Variants in TGFBR3 observed in about 807,000 individuals in gnomAD.
TGFBR3 encodes transforming growth factor beta receptor 3, also known as transforming growth factor beta receptor type 3.
Under a neutral mutation model 87.9 loss-of-function variants are expected in TGFBR3, and 46 were observed. That is an observed-to-expected ratio of 0.52 (90% CI 0.41 to 0.67). TGFBR3 has a LOEUF of 0.67. Ranked by LOEUF, TGFBR3 falls within the 30% of genes least tolerant of loss-of-function variation. The probability of loss-of-function intolerance (pLI) is 0.00; values close to 1 mark genes in which losing one functional copy is unlikely to be tolerated. For missense variants in TGFBR3, 866 were observed against 1,041.9 expected (o/e 0.83, Z 2.32); for synonymous variants, 381 against 391.6 (o/e 0.97, Z 0.32).
At chr1:91,717,414 A>G (rs1672212088) in intron 10 of TGFBR3, among the ~76,000 whole-genome samples, 3 of 151,936 alleles carry the variant, frequency 2.0e-5, no homozygotes, top group Admixed American at 1.3e-4. Flanking sequence ...TTTTTTTTCC[A>G]CCTTTTTCGC....
chr1:91,824,388 T>A (rs920776877), intron 2 of TGFBR3, among the ~76,000 whole-genome samples: 29 of 152,102 alleles, frequency 1.9e-4, no homozygotes, highest in Non-Finnish European at 3.2e-4. Context: ...CTACAAACAG[T>A]TTGGTATTTA....
chr1:91,846,410 C>G (rs1677502107), intron 2 of TGFBR3, among the ~76,000 whole-genome samples: 1 of 152,192 alleles, frequency 6.6e-6, no homozygotes, highest in Non-Finnish European at 1.5e-5. Context: ...TCACAAGGGC[C>G]AGGCTGAGAC....
At position 91,683,536 on chromosome 1, in the gene TGFBR3, G is replaced by T; in HGVS notation, c.*203C>A. ...ACATGAATTCTAGTGTGGTACAGAA[G>T]CCCAGGGTCATGTTTATACTAGCCC... On this transcript the variant is annotated 3_prime_UTR_variant, in exon 17 of 17. Transcript: ENST00000212355. The T allele has an allele frequency of 2.9e-6, 2 of 697,556 alleles. No homozygotes were observed. Among genetic ancestry groups the T allele is most frequent in the Non-Finnish European group, 5.2e-6 (2 of 383,660 alleles). The allele number at this position is 697,556 out of a possible 1,614,324, so 43.2% of individuals were successfully genotyped here. A position where few individuals can be genotyped will look rare whatever the true frequency, so the allele number is the denominator to read the frequency against.
intron 1 of TGFBR3, among the ~76,000 whole-genome samples, chr1:91,868,926 C>G (rs1678484034): frequency 6.6e-6 from 1 of 152,198 alleles, no homozygotes; most frequent in Admixed American, 6.5e-5. Flanking sequence ...AGATAAACAG[C>G]AAAACTTCAC....
At chr1:91,765,069 G>C (rs72716409) in intron 3 of TGFBR3, among the ~76,000 whole-genome samples, 1 of 151,228 alleles carries the variant, frequency 6.6e-6, no homozygotes, top group African/African-American at 2.4e-5. Flanking sequence ...TTTCTTTTTC[G>C]TTCATGAGTT....
chr1:91,686,610 G>GAA (rs60290357), intron 16 of TGFBR3, among the ~76,000 whole-genome samples: 1 of 151,696 alleles, frequency 6.6e-6, no homozygotes. Flanking sequence ...GACAGATTAA[G>GAA]TTTTTTCACT....
chr1:91,779,352 T>C (rs963577203), intron 3 of TGFBR3, among the ~76,000 whole-genome samples: 9 of 152,188 alleles, frequency 5.9e-5, no homozygotes, highest in Non-Finnish European at 1.3e-4. Context: ...GATACTATGA[T>C]TATGCCCACA....
chr1:91,852,742 A>G (rs1456732217), intron 2 of TGFBR3, among the ~76,000 whole-genome samples: 1 of 152,168 alleles, frequency 6.6e-6, no homozygotes, highest in African/African-American at 2.4e-5. Context: ...AGGTCTTTTA[A>G]TAGCAGTTAT....
chr1:91,775,733 C>T (rs2100946615), intron 3 of TGFBR3, among the ~76,000 whole-genome samples: 1 of 152,358 alleles, frequency 6.6e-6, no homozygotes, highest in Non-Finnish European at 1.5e-5. Context: ...CTACTCAAGA[C>T]ATGCAAGAAT....
chr1:91,764,396 T>C (rs1050633625), intron 3 of TGFBR3, among the ~76,000 whole-genome samples: 2 of 151,130 alleles, frequency 1.3e-5, no homozygotes, highest in African/African-American at 2.4e-5. Context: ...ATATTTTGTA[T>C]GCCCTGGAAA....
chr1:91,688,674 C>T (rs559149373), intron 16 of TGFBR3, among the ~76,000 whole-genome samples: 11 of 152,106 alleles, frequency 7.2e-5, no homozygotes, highest in African/African-American at 2.2e-4. Flanking sequence ...TAGGTGTGCC[C>T]GTCCCAACTC....
chr1:91,816,930 A>T (rs1418525385), intron 2 of TGFBR3, among the ~76,000 whole-genome samples: 1 of 152,208 alleles, frequency 6.6e-6, no homozygotes, highest in Non-Finnish European at 1.5e-5. Flanking sequence ...TAAAGAAAAC[A>T]TCTTAATGTC....
intron 2 of TGFBR3, among the ~76,000 whole-genome samples, chr1:91,845,434 T>C (rs1677433252): frequency 6.6e-6 from 1 of 152,218 alleles, no homozygotes; most frequent in Non-Finnish European, 1.5e-5. Flanking sequence ...GGCTTTTAGA[T>C]AAGTCTGAAA....
At chr1:91,901,573 GA>G (rs1679720066) in intron 1 of TGFBR3, among the ~76,000 whole-genome samples, 1 of 151,946 alleles carries the variant, frequency 6.6e-6, no homozygotes, top group Admixed American at 6.6e-5. Context: ...CATGTTTAAA[GA>G]CATCAAACTA....
chr1:91,805,387 G>A (rs1384878488), intron 2 of TGFBR3, among the ~76,000 whole-genome samples: 2 of 152,180 alleles, frequency 1.3e-5, no homozygotes, highest in East Asian at 3.8e-4. Context: ...CGGGTGTCGT[G>A]TCTTGTTTGA....
intron 1 of TGFBR3, among the ~76,000 whole-genome samples, chr1:91,869,932 A>G (rs1408469219): frequency 6.6e-6 from 1 of 152,226 alleles, no homozygotes; most frequent in Non-Finnish European, 1.5e-5. Flanking sequence ...CTAGAAAATG[A>G]GACTTCAAAC....
chr1:91,876,258 T>A (rs889432336), intron 1 of TGFBR3, among the ~76,000 whole-genome samples: 3 of 152,130 alleles, frequency 2.0e-5, no homozygotes, highest in Admixed American at 6.5e-5. Flanking sequence ...TATTCAACAC[T>A]CTGTGGAGGT....
intron 3 of TGFBR3, among the ~76,000 whole-genome samples, chr1:91,796,969 A>G (rs1365526314): frequency 6.6e-6 from 1 of 151,622 alleles, no homozygotes; most frequent in East Asian, 1.9e-4. Flanking sequence ...AGCTCATGCG[A>G]TCCTCCCACC....
intron 2 of TGFBR3, among the ~76,000 whole-genome samples, chr1:91,824,338 C>G (rs1676556244): frequency 6.6e-6 from 1 of 151,898 alleles, no homozygotes; most frequent in Non-Finnish European, 1.5e-5. Context: ...AGATTATAGG[C>G]AAAGATCTGG....
Sources: allele counts gnomAD v4.1 joint callset (sites outside exome capture counted in the v4.1 genomes callset), GRCh38; gene constraint gnomAD v4.1.1; transcripts MANE v1.5; gene names NCBI Gene and HGNC (gene_info 2026-07-23, HGNC 2026-07-21).